Variants in CMSS1 observed in about 807,000 individuals in gnomAD.
CMSS1 encodes the protein cms1 ribosomal small subunit homolog.
Under a neutral mutation model 43.5 loss-of-function variants are expected in CMSS1, and 33 were observed. The ratio of observed to expected loss-of-function variants is 0.76; its 90% CI spans 0.57 to 1.01. The LOEUF (loss-of-function observed/expected upper bound fraction) is 1.01, where lower values mean the gene tolerates loss of function less well. CMSS1 is among the 50% of genes least tolerant of loss of function. CMSS1 has a pLI of 0.00. For missense variants in CMSS1, 313 were observed against 326.4 expected, an observed-to-expected ratio of 0.96 and a Z score of 0.32; for synonymous variants, 115 against 117.2, an observed-to-expected ratio of 0.98 and a Z score of 0.12.
intron 1 of CMSS1, among the ~76,000 whole-genome samples, chr3:99,829,546 CA>C (rs1452321471): frequency 6.6e-6 from 1 of 152,140 alleles, no homozygotes; most frequent in Non-Finnish European, 1.5e-5. Flanking sequence ...TGTGGAAACT[CA>C]AGGCTTAGAT....
At chr3:100,000,269 A>G (rs1271702871) in intron 1 of CMSS1, among the ~76,000 whole-genome samples, 1 of 152,208 alleles carries the variant, frequency 6.6e-6, no homozygotes, top group Non-Finnish European at 1.5e-5. Flanking sequence ...GAAAAAAGTC[A>G]TCCAAAGGGG....
chr3:99,865,305 C>T (rs1156773428), intron 1 of CMSS1, among the ~76,000 whole-genome samples: 1 of 152,158 alleles, frequency 6.6e-6, no homozygotes, highest in Non-Finnish European at 1.5e-5. Context: ...GTAGTTTTTA[C>T]TCCAAATCCT....
chr3:99,881,260 G>A (rs554295124), intron 1 of CMSS1, among the ~76,000 whole-genome samples: 1 of 152,254 alleles, frequency 6.6e-6, no homozygotes, highest in East Asian at 1.9e-4. Context: ...ATGGGAAGCA[G>A]GAAAAGTCTG....
At chr3:100,164,392 G>C (rs1476552545) in intron 4 of CMSS1, among the ~76,000 whole-genome samples, 4 of 152,178 alleles carry the variant, frequency 2.6e-5, no homozygotes, top group African/African-American at 9.7e-5. Context: ...CCTCTCTGGA[G>C]TTAGAGAGAG....
intron 1 of CMSS1, among the ~76,000 whole-genome samples, chr3:99,835,355 T>C (rs930619488): frequency 6.6e-6 from 1 of 152,256 alleles, no homozygotes; most frequent in Non-Finnish European, 1.5e-5. Context: ...ATGTCTTTTG[T>C]TTGAAAAATG....
intron 1 of CMSS1, among the ~76,000 whole-genome samples, chr3:99,860,717 A>G (rs1944208577): frequency 6.6e-6 from 1 of 152,210 alleles, no homozygotes; most frequent in Admixed American, 6.5e-5. Flanking sequence ...CTAGACCTGG[A>G]AGAAGAAACT....
intron 1 of CMSS1, among the ~76,000 whole-genome samples, chr3:100,126,840 T>A (rs895477093): frequency 2.6e-5 from 4 of 151,910 alleles, no homozygotes; most frequent in African/African-American, 9.7e-5. Flanking sequence ...CTACTAAAAA[T>A]ACAAAAAATT....
intron 1 of CMSS1, among the ~76,000 whole-genome samples, chr3:100,101,850 T>C (rs958608323): frequency 1.3e-5 from 2 of 152,154 alleles, no homozygotes; most frequent in Non-Finnish European, 2.9e-5. Context: ...AATTCCCACC[T>C]ACGAGTGAGA....
intron 1 of CMSS1, among the ~76,000 whole-genome samples, chr3:99,858,537 A>G (rs1284431116): frequency 6.6e-6 from 1 of 152,218 alleles, no homozygotes; most frequent in African/African-American, 2.4e-5. Context: ...GCTAAATAAC[A>G]TATTTTTATG....
In CMSS1 at chr3:99,828,578, T is replaced by C. The variant is rs575618907; in HGVS notation, c.64+10535T>C. Among the ~76,000 whole-genome samples the C allele has an allele frequency of 4.0e-5, 6 of 151,738 alleles. No individual in the cohort carries two copies. In the South Asian group the frequency reaches 1.0e-3, roughly 26 times the overall value. ...CAGTCCTCTTGCCTCTTCCTCCTAA[T>C]TAGCTAGGACTACAGGTGTGCACCA... is the stretch of plus-strand genomic sequence containing the variant. On this transcript the variant is annotated intron_variant, in intron 1 of 9. Coordinates refer to ENST00000421999, the MANE Select transcript of CMSS1 (RefSeq NM_032359.4).
intron 1 of CMSS1, among the ~76,000 whole-genome samples, chr3:99,988,339 TCC>T (rs1391028111): frequency 0.026 from 722 of 28,312 alleles, 34 homozygotes; most frequent in African/African-American, 0.052. Flanking sequence ...CTACTAAAAA[TCC>T]AAAAAAAAAA....
At chr3:99,994,603 TG>T (rs1273530408) in intron 1 of CMSS1, among the ~76,000 whole-genome samples, 2 of 152,258 alleles carry the variant, frequency 1.3e-5, no homozygotes, top group African/African-American at 4.8e-5. Context: ...TACAAATACA[TG>T]GAAATTAAAC....
intron 1 of CMSS1, among the ~76,000 whole-genome samples, chr3:99,958,059 C>CTT (rs201659331): frequency 3.6e-5 from 5 of 139,530 alleles, no homozygotes; most frequent in African/African-American, 1.3e-4. Context: ...AATGTCACTT[C>CTT]TTTTTTTTTT....
At chr3:100,098,808 A>G (rs1186779207) in intron 1 of CMSS1, among the ~76,000 whole-genome samples, 1 of 152,222 alleles carries the variant, frequency 6.6e-6, no homozygotes, top group Non-Finnish European at 1.5e-5. Context: ...TTAAACTAGG[A>G]AAATATTTTA....
At chr3:100,055,050 T>G (rs1479084806) in intron 1 of CMSS1, among the ~76,000 whole-genome samples, 1 of 152,178 alleles carries the variant, frequency 6.6e-6, no homozygotes, top group Non-Finnish European at 1.5e-5. Flanking sequence ...GCCCATAGTA[T>G]TTTGTTGTCA....
At chr3:99,904,725 C>G (rs549109074) in intron 1 of CMSS1, among the ~76,000 whole-genome samples, 1 of 152,154 alleles carries the variant, frequency 6.6e-6, no homozygotes, top group African/African-American at 2.4e-5. Context: ...TCCTTCTTGC[C>G]TCCCACACCC....
intron 1 of CMSS1, among the ~76,000 whole-genome samples, chr3:99,879,811 T>C (rs1705660617): frequency 6.6e-6 from 1 of 152,188 alleles, no homozygotes; most frequent in Non-Finnish European, 1.5e-5. Context: ...GCAAGACCTG[T>C]ATAAGACCTG....
At chr3:99,848,672 T>G in intron 1 of CMSS1, 2 of 1,614,186 alleles carry the variant, frequency 1.2e-6, no homozygotes, top group Non-Finnish European at 1.7e-6. Context: ...AAAACCTGAA[T>G]AGGGGACATT....
intron 1 of CMSS1, chr3:99,929,843 T>C: frequency 3.1e-6 from 5 of 1,602,776 alleles, no homozygotes; most frequent in African/African-American, 2.7e-5. Flanking sequence ...CACACCCCTA[T>C]TGTGGTACAT....
Sources: gnomAD v4.1 joint callset for allele counts (sites outside exome capture counted in the v4.1 genomes callset) on GRCh38, gnomAD v4.1.1 for gene constraint, MANE v1.5 for transcripts, NCBI Gene and HGNC (gene_info 2026-07-23, HGNC 2026-07-21) for gene names.